The following ZC3H3 variants were observed in gnomAD, a reference collection of about 807,000 sequenced individuals.
ZC3H3 encodes zinc finger CCCH-type containing 3.
A neutral mutation model predicts 77.3 loss-of-function variants in ZC3H3; 36 were observed. That is an observed-to-expected ratio of 0.47 (90% CI 0.36 to 0.61). ZC3H3 has a LOEUF of 0.61. ZC3H3 is among the 20% of genes least tolerant of loss of function. The pLI, the probability that ZC3H3 is intolerant of heterozygous loss-of-function variation, is 0.00. For missense variants in ZC3H3, 1,331 were observed against 1,312.2 expected (o/e 1.01, Z -0.22); for synonymous variants, 626 against 555.2 (o/e 1.13, Z -1.79).
intron 9 of ZC3H3, among the ~76,000 whole-genome samples, chr8:143,447,934 G>C (rs1167089311): frequency 6.6e-6 from 1 of 152,136 alleles, no homozygotes; most frequent in African/African-American, 2.4e-5. Flanking sequence ...TTCGAGACCA[G>C]TCTGGACAAC....
chr8:143,524,485 C>T (rs910042910), intron 3 of ZC3H3, among the ~76,000 whole-genome samples: 5 of 152,242 alleles, frequency 3.3e-5, no homozygotes, highest in Admixed American at 1.3e-4. Context: ...GCCAGCTGGT[C>T]GGCCTCAAAG....
At chr8:143,491,341 G>A (rs1294840300) in intron 4 of ZC3H3, among the ~76,000 whole-genome samples, 2 of 152,222 alleles carry the variant, frequency 1.3e-5, no homozygotes, top group East Asian at 3.8e-4. Context: ...CGGCCCACAC[G>A]GAACCACGCT....
intron 9 of ZC3H3, among the ~76,000 whole-genome samples, chr8:143,442,506 C>G (rs185079926): frequency 6.6e-6 from 1 of 151,598 alleles, no homozygotes; most frequent in African/African-American, 2.4e-5. Flanking sequence ...GCATCCCACG[C>G]GGTACTGGGA....
chr8:143,440,279 G>A lies in ZC3H3; in HGVS notation c.2577C>T (p.His859=). The change falls in exon 11 of 12, where the codon CAC becomes CAT. Residue 859 remains histidine, a synonymous_variant. Transcript: ENST00000262577. The part of the protein sequence containing the change: ...LTAAAVAAPP[H]CPGGSASPSS... Reference sequence around the variant, plus strand: ...AGGGAGAGGCTGACCCCCCTGGGCAGTGGGGAGGTGCAGCCACGGCAGCCG... The same window carrying A: ...AGGGAGAGGCTGACCCCCCTGGGCAATGGGGAGGTGCAGCCACGGCAGCCG... 6.3e-7 allele frequency: 1 copy of A among 1,577,686 alleles called. No individual in the cohort carries two copies. Among genetic ancestry groups the A allele is most frequent in the Non-Finnish European group, 8.6e-7 (1 of 1,159,912 alleles).
At chr8:143,509,085 C>G (rs867401886) in intron 3 of ZC3H3, among the ~76,000 whole-genome samples, 8 of 152,128 alleles carry the variant, frequency 5.3e-5, no homozygotes, top group African/African-American at 1.7e-4. Flanking sequence ...CAGGCGTTCC[C>G]CCAGCACCAT....
At chr8:143,527,456 C>G (rs1822452698) in intron 3 of ZC3H3, among the ~76,000 whole-genome samples, 1 of 152,144 alleles carries the variant, frequency 6.6e-6, no homozygotes. Context: ...GCACCCACAG[C>G]ACAGTGCAGC....
chr8:143,530,997 T>C lies in ZC3H3; in HGVS notation c.1561+5260A>G, dbSNP rs1822585750. Among the ~76,000 whole-genome samples the C allele has an allele frequency of 6.7e-6, 1 of 148,884 alleles. No individual in the cohort carries two copies. The highest frequency in any genetic ancestry group is 1.5e-5 in the Non-Finnish European group (1 of 67,446). On this transcript the variant is annotated intron_variant, in intron 3 of 11. Coordinates refer to ENST00000262577, the MANE Select transcript of ZC3H3 (RefSeq NM_015117.3). This position sits in a 1 kb window ranked among gnomAD's most constrained non-coding sequence, Gnocchi z 4.3. Reference sequence around the variant, plus strand: ...TTTTTTGAGACAGGGTCTCATTCTGTCACCCAGGTTGCAGTGCAGTGGTGC... The same window carrying C: ...TTTTTTGAGACAGGGTCTCATTCTGCCACCCAGGTTGCAGTGCAGTGGTGC...
At chr8:143,476,935 C>T (rs116692788) in intron 4 of ZC3H3, among the ~76,000 whole-genome samples, 18,419 of 152,260 alleles carry the variant, frequency 0.12, 1,130 homozygotes, top group South Asian at 0.16. Context: ...GACCCAGGCC[C>T]GCAGCATGCA....
At chr8:143,472,491 C>CT (rs1820596801) in intron 5 of ZC3H3, among the ~76,000 whole-genome samples, 1 of 152,208 alleles carries the variant, frequency 6.6e-6, no homozygotes, top group Non-Finnish European at 1.5e-5. Flanking sequence ...GCCCCTCCCT[C>CT]TCCTCCCCAC....
intron 11 of ZC3H3, among the ~76,000 whole-genome samples, chr8:143,438,740 C>T (rs958301419): frequency 6.6e-6 from 1 of 152,220 alleles, no homozygotes; most frequent in African/African-American, 2.4e-5. Flanking sequence ...ACCACAGTGG[C>T]CCGCTGAATA....
In ZC3H3 at chr8:143,440,971, G is replaced by A. The variant is rs199783940; in HGVS notation, c.2457C>T (p.Thr819=). The A allele has an allele frequency of 1.3e-4, 187 of 1,448,640 alleles. No individual in the cohort carries two copies. The East Asian group carries it at 3.7e-3, about 29-fold the overall frequency. The allele number at this position is 1,448,640 out of a possible 1,614,324, so 89.7% of individuals were successfully genotyped here. A position where few individuals can be genotyped will look rare whatever the true frequency, so the allele number is the denominator to read the frequency against. Residue 819 remains threonine (T), a synonymous_variant, in exon 10 of 12, where the codon ACC becomes ACT. Coordinates refer to ENST00000262577, the MANE Select transcript of ZC3H3 (RefSeq NM_015117.3). ...GGCTGGCCGAGACCCTGCTCCTGGCGGTTGCGTCGCTGGGCCCTGGGGCGG... is the reference window on the plus strand; with the variant it reads ...GGCTGGCCGAGACCCTGCTCCTGGCAGTTGCGTCGCTGGGCCCTGGGGCGG... ...TSPAPGPSDA[T]ARSRVSASHG... is the part of the protein sequence containing the mutation.
intron 9 of ZC3H3, among the ~76,000 whole-genome samples, chr8:143,454,435 C>T (rs1309851291): frequency 7.0e-6 from 1 of 143,416 alleles, no homozygotes; most frequent in Non-Finnish European, 1.5e-5. Context: ...GAGTCTTTCA[C>T]TGTCACCCAG....
intron 9 of ZC3H3, among the ~76,000 whole-genome samples, chr8:143,456,364 C>T (rs1033607854): frequency 6.6e-6 from 1 of 152,026 alleles, no homozygotes. Context: ...CAGAGATTGG[C>T]AGAGTGAATT....
chr8:143,528,484 A>C (rs1043507690), intron 3 of ZC3H3, among the ~76,000 whole-genome samples: 1 of 152,218 alleles, frequency 6.6e-6, no homozygotes, highest in African/African-American at 2.4e-5. Flanking sequence ...CGCCAGGCTC[A>C]GAAAGGCCTC....
At chr8:143,483,973 G>A (rs565249923) in intron 4 of ZC3H3, among the ~76,000 whole-genome samples, 65 of 152,352 alleles carry the variant, frequency 4.3e-4, no homozygotes, top group African/African-American at 1.5e-3. Context: ...GGCTTTCCAG[G>A]ATACACCTTC....
At chr8:143,473,400 G>A (rs1336995018) in intron 5 of ZC3H3, among the ~76,000 whole-genome samples, 1 of 152,168 alleles carries the variant, frequency 6.6e-6, no homozygotes, top group East Asian at 1.9e-4. Flanking sequence ...TACACCTGTG[G>A]GCCCCAGGAA....
intron 3 of ZC3H3, among the ~76,000 whole-genome samples, chr8:143,509,575 C>T (rs1235329879): frequency 6.6e-6 from 1 of 152,254 alleles, no homozygotes; most frequent in Admixed American, 6.5e-5. Flanking sequence ...GCCTGCTTCC[C>T]ACCATGGCTT....
At chr8:143,541,166 C>T (rs1823000582) in intron 1 of ZC3H3, among the ~76,000 whole-genome samples, 1 of 152,196 alleles carries the variant, frequency 6.6e-6, no homozygotes, top group Non-Finnish European at 1.5e-5. Flanking sequence ...CCCAGCAGGG[C>T]CGGCACCACT....
chr8:143,521,189 C>T (rs2060969), intron 3 of ZC3H3, among the ~76,000 whole-genome samples: 4,244 of 152,266 alleles, frequency 0.028, 179 homozygotes, highest in African/African-American at 0.096. Context: ...GCCTTGCCAA[C>T]GAGACGAGGC....
Sources: gnomAD v4.1 joint callset for allele counts (sites outside exome capture counted in the v4.1 genomes callset) on GRCh38, gnomAD v4.1.1 for gene constraint, Gnocchi (gnomAD v3.1) non-coding constraint, MANE v1.5 for transcripts, NCBI Gene and HGNC (gene_info 2026-07-23, HGNC 2026-07-21) for gene names.